Variants in PARM1 observed in about 807,000 individuals in gnomAD.
PARM1 encodes prostate androgen-regulated mucin-like protein 1.
PARM1 carries 14 observed loss-of-function variants against 24.6 expected under a neutral mutation model. The observed-to-expected ratio is 0.57, with a 90% CI of 0.38 to 0.89. The LOEUF (loss-of-function observed/expected upper bound fraction) is 0.89. PARM1 is among the 40% of genes least tolerant of loss of function. The pLI, the probability that PARM1 is intolerant of heterozygous loss-of-function variation, is 0.00. For missense variants in PARM1, 362 were observed against 380.4 expected (o/e 0.95, Z 0.40); for synonymous variants, 179 against 156.6 (o/e 1.14, Z -1.07).
At chr4:74,958,166 G>A (rs965543188) in intron 1 of PARM1, among the ~76,000 whole-genome samples, 1 of 152,182 alleles carries the variant, frequency 6.6e-6, no homozygotes, top group Non-Finnish European at 1.5e-5. Context: ...ATAATGGAAA[G>A]CATCTATATA....
At chr4:75,045,823 T>A (rs185144551) in intron 3 of PARM1, among the ~76,000 whole-genome samples, 2 of 152,376 alleles carry the variant, frequency 1.3e-5, no homozygotes, top group Admixed American at 1.3e-4. Flanking sequence ...GTCAGAATGT[T>A]AGGAATGCAA....
At chr4:74,973,634 T>A (rs1722084772) in intron 1 of PARM1, among the ~76,000 whole-genome samples, 1 of 152,252 alleles carries the variant, frequency 6.6e-6, no homozygotes, top group East Asian at 1.9e-4. Flanking sequence ...CAGGACCCTC[T>A]TGCAGCGGCA....
At chr4:74,996,380 T>C (rs1371726741) in intron 1 of PARM1, among the ~76,000 whole-genome samples, 3 of 152,230 alleles carry the variant, frequency 2.0e-5, no homozygotes, top group African/African-American at 7.2e-5. Context: ...GGATTGAGTT[T>C]GACAGGACAT....
At chr4:74,987,624 C>T (rs17249558) in intron 1 of PARM1, among the ~76,000 whole-genome samples, 8,041 of 152,158 alleles carry the variant, frequency 0.053, 229 homozygotes, top group Middle Eastern at 0.092. Context: ...GTTATGTCAA[C>T]GTCAAGAGAT....
intron 1 of PARM1, chr4:74,957,325 T>C: frequency 6.6e-6 from 1 of 152,218 alleles, no homozygotes; most frequent in East Asian, 1.9e-4. Context: ...CTTTCTATTA[T>C]TCAGCACGTC....
intron 1 of PARM1, among the ~76,000 whole-genome samples, chr4:74,998,720 T>C (rs1385982481): frequency 2.0e-5 from 3 of 152,360 alleles, no homozygotes; most frequent in South Asian, 2.1e-4. Flanking sequence ...GCTACAAGCA[T>C]GCATGTGTTA....
intron 1 of PARM1, among the ~76,000 whole-genome samples, chr4:74,992,829 T>C (rs2109780727): frequency 6.6e-6 from 1 of 152,224 alleles, no homozygotes; most frequent in South Asian, 2.1e-4. Flanking sequence ...AGATAAGCAA[T>C]GCAAGAAATT....
At chr4:74,973,574 T>C (rs1722083356) in intron 1 of PARM1, among the ~76,000 whole-genome samples, 1 of 151,896 alleles carries the variant, frequency 6.6e-6, no homozygotes, top group African/African-American at 2.4e-5. Context: ...ATCTGAGTCC[T>C]GGAAGGCAGT....
At chr4:74,935,190 G>C (rs1447684436) in intron 1 of PARM1, among the ~76,000 whole-genome samples, 1 of 151,880 alleles carries the variant, frequency 6.6e-6, no homozygotes, top group Non-Finnish European at 1.5e-5. Flanking sequence ...TGTGAGGCTC[G>C]AGACTCAGGA....
chr4:74,982,942 T>A (rs1333689060), intron 1 of PARM1, among the ~76,000 whole-genome samples: 5 of 152,208 alleles, frequency 3.3e-5, no homozygotes, highest in Admixed American at 3.3e-4. Flanking sequence ...ATGCATCTTT[T>A]CCTACTTTTC....
intron 1 of PARM1, among the ~76,000 whole-genome samples, chr4:74,985,139 A>C (rs985719734): frequency 1.3e-5 from 2 of 152,178 alleles, no homozygotes; most frequent in Admixed American, 1.3e-4. Context: ...CTGCCATTAC[A>C]TCCCACATAA....
At chr4:75,015,998 G>T (rs966304146) in intron 2 of PARM1, among the ~76,000 whole-genome samples, 1 of 152,178 alleles carries the variant, frequency 6.6e-6, no homozygotes, top group Non-Finnish European at 1.5e-5. Context: ...GTCTCATTCT[G>T]TGTGGGTTCA....
chr4:75,028,362 T>C (rs1175030966), intron 2 of PARM1, among the ~76,000 whole-genome samples: 1 of 152,198 alleles, frequency 6.6e-6, no homozygotes. Context: ...CACAGATACA[T>C]GCTTTTAAAG....
chr4:74,964,589 T>C (rs561431469), intron 1 of PARM1, among the ~76,000 whole-genome samples: 116 of 137,778 alleles, frequency 8.4e-4, no homozygotes, highest in Admixed American at 7.8e-3. Context: ...ATTGCATCCT[T>C]CCTTGATCTT....
intron 1 of PARM1, among the ~76,000 whole-genome samples, chr4:74,978,067 A>C (rs1722171805): frequency 1.3e-5 from 2 of 152,236 alleles, no homozygotes; most frequent in South Asian, 4.1e-4. Context: ...ACAAGTCTGC[A>C]AAATAACTGG....
chr4:74,957,345 C>A (rs974734330), intron 1 of PARM1: 42 of 152,192 alleles, frequency 2.8e-4, no homozygotes, highest in African/African-American at 9.4e-4. Context: ...CTTATCTGGG[C>A]TTTAATGTCT....
intron 1 of PARM1, among the ~76,000 whole-genome samples, chr4:74,991,589 T>G (rs1722472015): frequency 6.6e-6 from 1 of 152,140 alleles, no homozygotes; most frequent in Admixed American, 6.6e-5. Context: ...AGCGCATACT[T>G]ATGTAGAAAC....
chr4:75,015,802 T>C (rs1193131455), intron 2 of PARM1, among the ~76,000 whole-genome samples: 3 of 152,152 alleles, frequency 2.0e-5, no homozygotes, highest in African/African-American at 7.2e-5. Flanking sequence ...GGCCCAGAGC[T>C]CTAAGCCAAG....
intron 1 of PARM1, among the ~76,000 whole-genome samples, chr4:74,991,513 G>T (rs1354052203): frequency 6.6e-6 from 1 of 150,838 alleles, no homozygotes; most frequent in Non-Finnish European, 1.5e-5. Context: ...TACCAGAGAT[G>T]CAGAGAGAGA....
Sources: gnomAD v4.1 joint callset for allele counts (sites outside exome capture counted in the v4.1 genomes callset) on GRCh38, gnomAD v4.1.1 for gene constraint, MANE v1.5 for transcripts, NCBI Gene and HGNC (gene_info 2026-07-23, HGNC 2026-07-21) for gene names.